The following LDLRAD3 variants were observed in gnomAD, a reference collection of about 807,000 sequenced individuals.
LDLRAD3 encodes the protein low density lipoprotein receptor class A domain containing 3.
In LDLRAD3, 20 loss-of-function variants were observed where a neutral mutation model predicts 29.4. The observed-to-expected ratio is 0.68, with a 90% CI of 0.48 to 0.99. LDLRAD3 has a LOEUF of 0.99. Ranked by LOEUF, LDLRAD3 falls within the 50% of genes least tolerant of loss-of-function variation. The probability of loss-of-function intolerance (pLI) is 0.00; values close to 1 mark genes in which losing one functional copy is unlikely to be tolerated. For missense variants in LDLRAD3, 420 were observed against 454.3 expected, an observed-to-expected ratio of 0.92 and a Z score of 0.69; for synonymous variants, 157 against 192.7, an observed-to-expected ratio of 0.81 and a Z score of 1.53.
At chr11:36,026,538 A>G (rs1852169651) in intron 1 of LDLRAD3, among the ~76,000 whole-genome samples, 1 of 152,198 alleles carries the variant, frequency 6.6e-6, no homozygotes, top group African/African-American at 2.4e-5. Context: ...CCGGGAGGTT[A>G]GGCATTCTAA....
rs1366444547 is a variant in LDLRAD3, at chr11:36,145,255, G to T, written c.454+46794G>T. ...GCCGCCCCGTCCGGGAGGGAAGTGG[G>T]GGGGGGTCAGCCCCCCGCCCGGCCA... On this transcript the variant is annotated intron_variant, in intron 4 of 5. Transcript: ENST00000315571. 1.5e-4 allele frequency among the ~76,000 whole-genome samples: 12 copies of T among 82,616 alleles called. 2 individuals are homozygous for T. The highest frequency in any genetic ancestry group is 2.9e-4 in the Non-Finnish European group (11 of 38,112). 54.2% of individuals were successfully genotyped at this position (82,616 alleles called of 152,430 possible). A position where few individuals can be genotyped will look rare whatever the true frequency, so the allele number is the denominator to read the frequency against.
chr11:36,189,416 G>A (rs771816028), intron 4 of LDLRAD3, among the ~76,000 whole-genome samples: 68 of 151,886 alleles, frequency 4.5e-4, no homozygotes, highest in Non-Finnish European at 8.1e-4. Context: ...CCCGAGAGGC[G>A]GAGGTTGCAG....
intron 2 of LDLRAD3, among the ~76,000 whole-genome samples, chr11:36,041,014 T>C (rs1206329850): frequency 1.3e-5 from 2 of 152,188 alleles, no homozygotes. Context: ...GTTAAGACAT[T>C]AGATTTTCTG....
chr11:35,958,370 A>G (rs573566010), intron 1 of LDLRAD3, among the ~76,000 whole-genome samples: 11 of 152,280 alleles, frequency 7.2e-5, no homozygotes, highest in African/African-American at 2.6e-4. Flanking sequence ...TACGAAACAG[A>G]TGATTCAAAT....
At chr11:36,072,659 C>T (rs561034058) in intron 2 of LDLRAD3, among the ~76,000 whole-genome samples, 15 of 152,292 alleles carry the variant, frequency 9.8e-5, no homozygotes, top group Non-Finnish European at 2.9e-5. Context: ...GACTATAGAC[C>T]AGTCTGACCC....
chr11:36,098,354 C>T lies in LDLRAD3; in HGVS notation c.347C>T (p.Ala116Val). The T allele has an allele frequency of 6.2e-7, 1 of 1,614,206 alleles. No homozygotes were observed. The highest frequency in any genetic ancestry group is 8.5e-7 in the Non-Finnish European group (1 of 1,180,040). The change falls in exon 4 of 6, where the codon GCC becomes GTC. Residue 116 changes from alanine to valine, a missense_variant. This residue lies in a region of LDLRAD3 where 224 missense variants were observed against 222.2 expected (regional missense o/e 1.01). Coordinates refer to ENST00000315571, the MANE Select transcript of LDLRAD3 (RefSeq NM_174902.4). ...CTANPLLCST[A>V]RYHCKNGLCI... Reference sequence around the variant, plus strand: ...GCAAACCCTCTGCTTTGCTCCACCGCCCGCTACCACTGCAAGAACGGCCTC... The same window carrying T: ...GCAAACCCTCTGCTTTGCTCCACCGTCCGCTACCACTGCAAGAACGGCCTC...
intron 2 of LDLRAD3, among the ~76,000 whole-genome samples, chr11:36,060,570 G>A (rs1012785080): frequency 1.3e-5 from 2 of 152,052 alleles, no homozygotes; most frequent in African/African-American, 4.8e-5. Flanking sequence ...GTAGGATTGG[G>A]ATTCAGTCTG....
intron 4 of LDLRAD3, among the ~76,000 whole-genome samples, chr11:36,142,979 C>T (rs540093375): frequency 6.5e-4 from 99 of 152,322 alleles, no homozygotes; most frequent in African/African-American, 2.2e-3. Context: ...AAAAAGGAGC[C>T]AAATTGGTGA....
At chr11:36,070,654 T>C (rs1287492192) in intron 2 of LDLRAD3, among the ~76,000 whole-genome samples, 1 of 152,152 alleles carries the variant, frequency 6.6e-6, no homozygotes, top group African/African-American at 2.4e-5. Flanking sequence ...GAGCAGGATG[T>C]TCACATTTTA....
intron 4 of LDLRAD3, among the ~76,000 whole-genome samples, chr11:36,172,555 A>G (rs561627249): frequency 4.3e-4 from 66 of 151,768 alleles, no homozygotes; most frequent in African/African-American, 1.4e-3. Context: ...ATTTTTGTCA[A>G]ATGCTTTTTC....
At chr11:36,224,682 T>G (rs1453694521) in intron 4 of LDLRAD3, among the ~76,000 whole-genome samples, 2 of 152,160 alleles carry the variant, frequency 1.3e-5, no homozygotes, top group Non-Finnish European at 2.9e-5. Flanking sequence ...TAGTCTGTGT[T>G]TGGGTGTGGC....
At chr11:35,968,586 G>A (rs771397967) in intron 1 of LDLRAD3, 3 of 196,302 alleles carry the variant, frequency 1.5e-5, no homozygotes, top group Non-Finnish European at 3.2e-5. Flanking sequence ...CTCTTCTCTG[G>A]GATCTGGCTC....
chr11:35,957,760 C>T (rs958080553), intron 1 of LDLRAD3, among the ~76,000 whole-genome samples: 3 of 137,664 alleles, frequency 2.2e-5, no homozygotes, highest in South Asian at 2.3e-4. Context: ...CGTGCCATTG[C>T]GCTCCAGCCT....
intron 2 of LDLRAD3, among the ~76,000 whole-genome samples, chr11:36,058,642 A>G (rs1308756474): frequency 6.6e-6 from 1 of 151,778 alleles, no homozygotes; most frequent in African/African-American, 2.4e-5. Flanking sequence ...GTAATTGCCC[A>G]CTCTCCCTAT....
intron 2 of LDLRAD3, among the ~76,000 whole-genome samples, chr11:36,049,162 C>T (rs941895116): frequency 3.3e-5 from 5 of 152,112 alleles, no homozygotes; most frequent in Non-Finnish European, 7.3e-5. Flanking sequence ...AGTGGTAATA[C>T]GCTTGGTAAT....
At chr11:36,131,088 C>T (rs1853919050) in intron 4 of LDLRAD3, among the ~76,000 whole-genome samples, 2 of 152,220 alleles carry the variant, frequency 1.3e-5, no homozygotes, top group South Asian at 4.1e-4. Flanking sequence ...ACCAGAGGAG[C>T]AGATTTATCC....
At chr11:36,027,929 C>T (rs1158568748) in intron 1 of LDLRAD3, among the ~76,000 whole-genome samples, 1 of 152,242 alleles carries the variant, frequency 6.6e-6, no homozygotes, top group Non-Finnish European at 1.5e-5. Flanking sequence ...CTTCCTCCTG[C>T]TGCTGCTGAT....
chr11:36,036,400 T>C, intron 2 of LDLRAD3, 151 bp downstream of exon 2: 1 of 818,676 alleles, frequency 1.2e-6, no homozygotes, highest in African/African-American at 1.7e-5. Context: ...CTTTGCTGTA[T>C]CTCCATCTCA....
intron 1 of LDLRAD3, among the ~76,000 whole-genome samples, chr11:35,963,425 G>A (rs927011069): frequency 2.3e-5 from 3 of 132,818 alleles, no homozygotes; most frequent in Non-Finnish European, 5.0e-5. Context: ...AGTTCTGTGT[G>A]TGTGTGTGTT....
Sources: allele counts gnomAD v4.1 joint callset (sites outside exome capture counted in the v4.1 genomes callset), GRCh38; gene constraint gnomAD v4.1.1; regional missense constraint gnomAD v4.1.1; transcripts MANE v1.5; gene names NCBI Gene and HGNC (gene_info 2026-07-23, HGNC 2026-07-21).